The following AUTS2 variants were observed in gnomAD, a reference collection of about 807,000 sequenced individuals.
The protein encoded by AUTS2 is activator of transcription and developmental regulator AUTS2.
In AUTS2, 17 loss-of-function variants were observed where a neutral mutation model predicts 112.4. The ratio of observed to expected loss-of-function variants is 0.15; its 90% CI spans 0.10 to 0.23. The LOEUF is 0.23. Ranked by LOEUF, AUTS2 falls within the 10% of genes least tolerant of loss-of-function variation. The probability of loss-of-function intolerance (pLI) is 1.00; values close to 1 mark genes in which losing one functional copy is unlikely to be tolerated. For missense variants in AUTS2, 1,510 were observed against 1,701.6 expected (o/e 0.89, Z 1.98); for synonymous variants, 751 against 702.7 (o/e 1.07, Z -1.09).
At chr7:70,341,335 A>G (rs967229728) in intron 4 of AUTS2, among the ~76,000 whole-genome samples, 3 of 152,258 alleles carry the variant, frequency 2.0e-5, no homozygotes, top group Non-Finnish European at 4.4e-5. Context: ...AAAATGGGGC[A>G]GAATTCATTA....
At chr7:70,133,093 A>G (rs951108913) in intron 3 of AUTS2, among the ~76,000 whole-genome samples, 5 of 152,174 alleles carry the variant, frequency 3.3e-5, no homozygotes, top group African/African-American at 1.2e-4. Flanking sequence ...CAGGATTTTA[A>G]AAAACTGAGT....
chr7:70,703,111 T>G (rs1396080657), intron 6 of AUTS2, among the ~76,000 whole-genome samples: 1 of 152,166 alleles, frequency 6.6e-6, no homozygotes, highest in Non-Finnish European at 1.5e-5. Context: ...GACCTTATTC[T>G]TTAGGTTTAG....
At chr7:69,648,870 A>G (rs537478163) in intron 1 of AUTS2, among the ~76,000 whole-genome samples, 1 of 152,326 alleles carries the variant, frequency 6.6e-6, no homozygotes, top group African/African-American at 2.4e-5. Flanking sequence ...TGTTACATAA[A>G]TGTAAATAAA....
chr7:70,223,914 G>T (rs1011397198), intron 4 of AUTS2, among the ~76,000 whole-genome samples: 1 of 150,488 alleles, frequency 6.6e-6, no homozygotes. Flanking sequence ...GCCCAGGCTA[G>T]TCTTGAACTC....
chr7:70,276,427 T>C (rs1584961838), intron 4 of AUTS2, among the ~76,000 whole-genome samples: 1 of 149,924 alleles, frequency 6.7e-6, no homozygotes, highest in Admixed American at 6.7e-5. Context: ...CAGGCTGGAG[T>C]GCAATGGTGT....
At chr7:69,779,404 C>T (rs982722612) in intron 1 of AUTS2, among the ~76,000 whole-genome samples, 1 of 152,034 alleles carries the variant, frequency 6.6e-6, no homozygotes, top group African/African-American at 2.4e-5. Flanking sequence ...AATGCTGCCA[C>T]CTTGGGTTTT....
At chr7:69,605,679 C>T (rs1008112389) in intron 1 of AUTS2, among the ~76,000 whole-genome samples, 1 of 152,182 alleles carries the variant, frequency 6.6e-6, no homozygotes, top group Non-Finnish European at 1.5e-5. Context: ...GGGTCAGAAC[C>T]GCTCTTTTGC....
rs1325512991 is a variant in AUTS2 at position 70,101,727 on chromosome 7, A to C, written c.523-16405A>C. Among the ~76,000 whole-genome samples, 3 of 151,978 alleles carry C rather than the reference A, an allele frequency of 2.0e-5. No individual in the cohort carries two copies. The South Asian group carries it at 6.2e-4, about 32-fold the overall frequency. On this transcript the variant is annotated intron_variant, in intron 2 of 18. Coordinates refer to ENST00000342771, the MANE Select transcript of AUTS2 (RefSeq NM_015570.4). ...AAAAACAAAAATTAAAGAAATAAAA[A>C]TAAAAAGGTAGAGAGTATGTCTATA...
chr7:70,009,268 C>T (rs1799685461), intron 2 of AUTS2, among the ~76,000 whole-genome samples: 1 of 152,176 alleles, frequency 6.6e-6, no homozygotes, highest in Non-Finnish European at 1.5e-5. Flanking sequence ...CTCATGAAGG[C>T]AGTGACCCCA....
intron 2 of AUTS2, among the ~76,000 whole-genome samples, chr7:70,023,867 A>T (rs1242487937): frequency 6.6e-6 from 1 of 152,194 alleles, no homozygotes; most frequent in Admixed American, 6.5e-5. Context: ...AATGTAAACC[A>T]TAGTTTTTCC....
At position 70,391,263 on chromosome 7, in the gene AUTS2, G is replaced by C. The variant is rs537574590; in HGVS notation, c.661-44489G>C. Among the ~76,000 whole-genome samples the C allele has an allele frequency of 2.2e-4, 33 of 152,204 alleles. No individual in the cohort carries two copies. In the South Asian group the frequency reaches 3.5e-3, roughly 16 times the overall value. ...AATATGTTTTGTTTGTGTTTTGTTG[G>C]CTTGTCTCTTTCCCATATCATGTGG... On this transcript the variant is annotated intron_variant, in intron 4 of 18. Coordinates refer to ENST00000342771, the MANE Select transcript of AUTS2 (RefSeq NM_015570.4).
rs191980358 is a variant in AUTS2 at position 70,307,652 on chromosome 7, C to T, written c.661-128100C>T. 6.6e-5 allele frequency among the ~76,000 whole-genome samples: 10 copies of T among 152,260 alleles called. No homozygotes were observed. The East Asian group carries it at 1.9e-3, about 29-fold the overall frequency. On this transcript the variant is annotated intron_variant, in intron 4 of 18. Coordinates refer to ENST00000342771, the MANE Select transcript of AUTS2 (RefSeq NM_015570.4). ...AAACTGAGAGGCTAAGTGCCTTGGC[C>T]AAGATCACCAAGTTATGAAATCACA...
At position 69,599,383 on chromosome 7, in the gene AUTS2, C is replaced by T; in HGVS notation, c.-271C>T. 2.9e-6 allele frequency: 1 copy of T among 350,394 alleles called. No homozygotes were observed. 21.7% of individuals were successfully genotyped at this position (350,394 alleles called of 1,614,324 possible). A position where few individuals can be genotyped will look rare whatever the true frequency, so the allele number is the denominator to read the frequency against. On this transcript the variant is annotated 5_prime_UTR_variant, in exon 1 of 19. Transcript: ENST00000342771. This position sits in a 1 kb window ranked among gnomAD's most constrained non-coding sequence, Gnocchi z 7.0. Reference sequence around the variant, plus strand: ...CGGCGCTGCTCCCAGGCATCTCCGACCCTCGGTGCTGTGGGGAGCCCCACA... The same window carrying T: ...CGGCGCTGCTCCCAGGCATCTCCGATCCTCGGTGCTGTGGGGAGCCCCACA...
chr7:70,505,101 G>A (rs532504379), intron 5 of AUTS2, among the ~76,000 whole-genome samples: 1 of 152,362 alleles, frequency 6.6e-6, no homozygotes, highest in South Asian at 2.1e-4. Context: ...TCTGTCTTTG[G>A]TGGTTTCGCA....
intron 2 of AUTS2, among the ~76,000 whole-genome samples, chr7:69,946,602 ACACACG>A (rs1408166823): frequency 4.4e-4 from 59 of 134,692 alleles, no homozygotes; most frequent in Non-Finnish European, 7.5e-4. Context: ...ACACACACAC[ACACACG>A]CACGCACACA....
At chr7:70,299,464 C>CCCCATCTCT (rs1362816957) in intron 4 of AUTS2, among the ~76,000 whole-genome samples, 1 of 152,224 alleles carries the variant, frequency 6.6e-6, no homozygotes, top group Non-Finnish European at 1.5e-5. Flanking sequence ...CTATTCCCCA[C>CCCCATCTCT]ACTTACGGTT....
intron 2 of AUTS2, among the ~76,000 whole-genome samples, chr7:69,910,722 G>C (rs904054845): frequency 6.6e-6 from 1 of 152,156 alleles, no homozygotes; most frequent in Non-Finnish European, 1.5e-5. Flanking sequence ...TCTGCCTCCT[G>C]GTTTAAGCGA....
chr7:70,379,310 G>A (rs1183256510), intron 4 of AUTS2, among the ~76,000 whole-genome samples: 1 of 152,054 alleles, frequency 6.6e-6, no homozygotes, highest in Non-Finnish European at 1.5e-5. Context: ...AGACCGGCCT[G>A]GCCAACATGG....
chr7:70,432,929 C>T (rs1180895867), intron 4 of AUTS2, among the ~76,000 whole-genome samples: 1 of 152,172 alleles, frequency 6.6e-6, no homozygotes, highest in African/African-American at 2.4e-5. Flanking sequence ...TTTTGGCAGA[C>T]TCCACGACTG....
Sources: allele counts gnomAD v4.1 joint callset (sites outside exome capture counted in the v4.1 genomes callset), GRCh38; gene constraint gnomAD v4.1.1; non-coding constraint Gnocchi (gnomAD v3.1); transcripts MANE v1.5; gene names NCBI Gene and HGNC (gene_info 2026-07-23, HGNC 2026-07-21).